TSGA10: variants seen among roughly 807,000 people sequenced by gnomAD.
The protein encoded by TSGA10 is testis-specific gene 10 protein.
A neutral mutation model predicts 96.6 loss-of-function variants in TSGA10; 43 were observed. That is an observed-to-expected ratio of 0.44 (90% CI 0.35 to 0.57). The LOEUF is 0.57. Among genes scored for constraint, TSGA10 ranks in the 20% least tolerant of loss-of-function variants. The pLI is 0.01. For synonymous variants in TSGA10, 229 were observed against 269.9 expected (o/e 0.85, Z 1.48); for missense variants, 703 against 834.4 (o/e 0.84, Z 1.94).
intron 1 of TSGA10, among the ~76,000 whole-genome samples, chr2:99,152,902 TG>T (rs1174965164): frequency 6.6e-6 from 1 of 152,240 alleles, no homozygotes; most frequent in Non-Finnish European, 1.5e-5. Flanking sequence ...ACAAGGCAGT[TG>T]TATCTATGGA....
intron 1 of TSGA10, among the ~76,000 whole-genome samples, chr2:99,153,581 T>C (rs4851189): frequency 0.83 from 126,607 of 152,116 alleles, 53,302 homozygotes; most frequent in East Asian, 0.97. Context: ...AAAACCAAAG[T>C]TGTACCATCT....
At chr2:99,126,358 T>C (rs906729773) in intron 2 of TSGA10, 2 of 152,338 alleles carry the variant, frequency 1.3e-5, no homozygotes, top group Non-Finnish European at 1.5e-5. Context: ...TTATTTCTAG[T>C]TGCCAGTTTT....
intron 11 of TSGA10, among the ~76,000 whole-genome samples, chr2:99,079,483 T>C (rs759833402): frequency 2.0e-5 from 3 of 152,196 alleles, no homozygotes; most frequent in African/African-American, 7.2e-5. Flanking sequence ...TTCTTATGCC[T>C]CCACTCCAGA....
chr2:99,009,429 G>A (rs34306767), intron 20 of TSGA10, among the ~76,000 whole-genome samples: 7,602 of 151,788 alleles, frequency 0.05, 247 homozygotes, highest in Middle Eastern at 0.11. Context: ...AAAATTAGCC[G>A]GGCATTGTGG....
At chr2:99,045,616 C>A (rs1160739659) in intron 16 of TSGA10, among the ~76,000 whole-genome samples, 2 of 152,152 alleles carry the variant, frequency 1.3e-5, no homozygotes, top group African/African-American at 2.4e-5. Context: ...CTGGTACCAG[C>A]CACTGCAAAA....
At chr2:98,999,662 T>C (rs756531278) in intron 20 of TSGA10, among the ~76,000 whole-genome samples, 3 of 152,226 alleles carry the variant, frequency 2.0e-5, no homozygotes, top group Non-Finnish European at 2.9e-5. Context: ...AAATATCACA[T>C]AGTACAGAAA....
chr2:99,092,971 A>G (rs1429711204), intron 10 of TSGA10, among the ~76,000 whole-genome samples: 2 of 152,162 alleles, frequency 1.3e-5, no homozygotes, highest in Non-Finnish European at 2.9e-5. Flanking sequence ...ATAGACCAAT[A>G]TATCTGATGA....
chr2:99,082,542 G>T lies in TSGA10; in HGVS notation c.612-1145C>A, dbSNP rs140419998. 2.9e-3 allele frequency among the ~76,000 whole-genome samples: 437 copies of T among 152,176 alleles called. 2 individuals carry two copies. Among genetic ancestry groups the T allele is most frequent in the African/African-American group, 0.01 (416 of 41,530 alleles). Reference sequence around the variant, plus strand: ...TCGCTTGGGTATAACACAACAAAGAGTCTTAATCTCAATCTAAGCATCAAA... The same window carrying T: ...TCGCTTGGGTATAACACAACAAAGATTCTTAATCTCAATCTAAGCATCAAA... On this transcript the variant is annotated intron_variant, in intron 10 of 20. Transcript: ENST00000393483.
chr2:99,090,980 T>A (rs961758099), intron 10 of TSGA10, among the ~76,000 whole-genome samples: 1 of 152,116 alleles, frequency 6.6e-6, no homozygotes, highest in Non-Finnish European at 1.5e-5. Context: ...CATCAGGATA[T>A]CTAAAGGCAA....
In TSGA10 at chr2:99,102,132, A is replaced by C. The variant is rs907828961; in HGVS notation, c.611+1835T>G. On this transcript the variant is annotated intron_variant, in intron 10 of 20. Coordinates refer to ENST00000393483, the MANE Select transcript of TSGA10 (RefSeq NM_025244.4). ...ACAAGAAGAGTTAGATAGGGGTTAC[A>C]AATCGATCATGGAGCTGATGAATAT... The C allele has an allele frequency of 4.1e-6, 6 of 1,470,632 alleles. No individual in the cohort carries two copies. In the Admixed American group the frequency reaches 1.0e-4, roughly 25 times the overall value. 91.1% of individuals were successfully genotyped at this position (1,470,632 alleles called of 1,614,324 possible).
intron 20 of TSGA10, among the ~76,000 whole-genome samples, chr2:99,001,048 C>T (rs935463762): frequency 2.6e-5 from 4 of 152,214 alleles, no homozygotes; most frequent in African/African-American, 4.8e-5. Context: ...GGGGACAGGG[C>T]ATAGCTGAAC....
chr2:99,020,677 C>T (rs1361846962), intron 17 of TSGA10, among the ~76,000 whole-genome samples, 195 bp from the exon 18 acceptor site: 4 of 152,120 alleles, frequency 2.6e-5, no homozygotes. Flanking sequence ...CTCCATCTCT[C>T]TGATCATATC....
chr2:99,097,397 C>T (rs1574310673), intron 10 of TSGA10, among the ~76,000 whole-genome samples: 1 of 151,970 alleles, frequency 6.6e-6, no homozygotes, highest in Admixed American at 6.6e-5. Context: ...ATTGACTGAG[C>T]AAACAACAGT....
chr2:99,056,816 CAAAA>C (rs747141525), intron 16 of TSGA10, among the ~76,000 whole-genome samples: 9 of 75,642 alleles, frequency 1.2e-4, no homozygotes, highest in Admixed American at 1.1e-3. Context: ...CAAAATCCTT[CAAAA>C]AAAAAAAAAA....
chr2:99,114,066 C>T (rs767210701), intron 4 of TSGA10, among the ~76,000 whole-genome samples: 3 of 152,150 alleles, frequency 2.0e-5, no homozygotes, highest in East Asian at 1.9e-4. Context: ...AAAAATAAGA[C>T]TAAAAGTAAA....
intron 17 of TSGA10, among the ~76,000 whole-genome samples, chr2:99,031,482 A>C (rs1243282868): frequency 1.3e-5 from 2 of 152,122 alleles, no homozygotes; most frequent in Non-Finnish European, 2.9e-5. Context: ...CACAATCCAT[A>C]AAAGGAAAAT....
intron 20 of TSGA10, among the ~76,000 whole-genome samples, chr2:98,999,055 C>T (rs1050716506): frequency 2.0e-5 from 3 of 152,008 alleles, no homozygotes; most frequent in Non-Finnish European, 2.9e-5. Flanking sequence ...GCCACCACGC[C>T]CAGCTAATGT....
intron 15 of TSGA10, among the ~76,000 whole-genome samples, chr2:99,067,975 G>A (rs562931444): frequency 2.6e-5 from 4 of 152,266 alleles, no homozygotes; most frequent in Non-Finnish European, 4.4e-5. Flanking sequence ...CCCGATTACA[G>A]ATGGGAAGAA....
At chr2:99,101,417 C>T (rs1391139997) in intron 10 of TSGA10, among the ~76,000 whole-genome samples, 5 of 152,048 alleles carry the variant, frequency 3.3e-5, no homozygotes, top group South Asian at 4.2e-4. Flanking sequence ...ATCCTCCTCC[C>T]TTGGCCCCTC....
Sources: gnomAD v4.1 joint callset for allele counts (sites outside exome capture counted in the v4.1 genomes callset) on GRCh38, gnomAD v4.1.1 for gene constraint, MANE v1.5 for transcripts, NCBI Gene and HGNC (gene_info 2026-07-23, HGNC 2026-07-21) for gene names.